Variants in DNAH6 observed in about 807,000 individuals in gnomAD.
DNAH6 encodes the protein dynein axonemal heavy chain 6.
DNAH6 carries 340 observed loss-of-function variants against 491.4 expected under a neutral mutation model. That is an observed-to-expected ratio of 0.69 (90% CI 0.63 to 0.76). DNAH6 has a LOEUF of 0.76. Ranked by LOEUF, DNAH6 falls within the 30% of genes least tolerant of loss-of-function variation. The pLI is 0.00. For synonymous variants in DNAH6, 1,603 were observed against 1,686.1 expected (o/e 0.95, Z 1.21); for missense variants, 4,443 against 4,972.2 (o/e 0.89, Z 3.20).
At chr2:84,705,317 C>A (rs1696322432) in intron 51 of DNAH6, among the ~76,000 whole-genome samples, 169 bp from the exon 52 acceptor site, 1 of 152,010 alleles carries the variant, frequency 6.6e-6, no homozygotes, top group Non-Finnish European at 1.5e-5. Context: ...TTCTTTTCGC[C>A]CCCTGAATTA....
chr2:84,584,916 G>C (rs1222611186), intron 15 of DNAH6: 1 of 152,208 alleles, frequency 6.6e-6, no homozygotes, highest in Non-Finnish European at 1.5e-5. Flanking sequence ...GAAAGAGACA[G>C]AGTGTACATT....
chr2:84,517,843 C>T lies in DNAH6; in HGVS notation c.17C>T (p.Thr6Ile), dbSNP rs1388468055. The part of the protein sequence containing the change: MTFRA[T>I]DSEFDLTNIE... The stretch of plus-strand genomic sequence containing the variant: ...GGAGTAAGGATGACTTTTCGGGCCA[C>T]AGATAGTGAATTTGACCTGACAAAT... The change falls in exon 2 of 77, where the codon ACA becomes ATA. Residue 6 changes from threonine to isoleucine, a missense_variant. Transcript: ENST00000389394. The T allele has an allele frequency of 6.4e-7, 1 of 1,551,354 alleles. No individual in the cohort carries two copies. The highest frequency in any genetic ancestry group is 8.7e-7 in the Non-Finnish European group (1 of 1,146,926).
chr2:84,465,351 C>T, the DNAH6 span, among the ~76,000 whole-genome samples: 4 of 152,042 alleles, frequency 2.6e-5, no homozygotes, highest in East Asian at 1.9e-4. Flanking sequence ...AAAAATTAGC[C>T]GGGTGTGGTG....
intron 64 of DNAH6, among the ~76,000 whole-genome samples, chr2:84,771,885 GAAAT>G (rs1182662274): frequency 2.0e-5 from 3 of 152,108 alleles, no homozygotes; most frequent in Non-Finnish European, 4.4e-5. Flanking sequence ...TTCACACGAA[GAAAT>G]AAATAACACA....
chr2:84,780,147 G>T (rs1161272667), intron 64 of DNAH6, among the ~76,000 whole-genome samples: 1 of 151,920 alleles, frequency 6.6e-6, no homozygotes, highest in African/African-American at 2.4e-5. Flanking sequence ...ATCTCCCAGG[G>T]TTTCTCTGAA....
At chr2:84,477,546 G>A in the DNAH6 span, among the ~76,000 whole-genome samples, 1 of 152,152 alleles carries the variant, frequency 6.6e-6, no homozygotes, top group Non-Finnish European at 1.5e-5. Context: ...GTGGGGATGG[G>A]GGGATAGCAC....
intron 18 of DNAH6, among the ~76,000 whole-genome samples, chr2:84,602,922 CTT>C (rs1360336792): frequency 3.3e-5 from 5 of 150,118 alleles, no homozygotes; most frequent in African/African-American, 1.2e-4. Context: ...TTCTTTATCT[CTT>C]ATACTGTTTT....
At chr2:84,623,806 G>A (rs1314289331) in intron 26 of DNAH6, among the ~76,000 whole-genome samples, 1 of 152,198 alleles carries the variant, frequency 6.6e-6, no homozygotes. Flanking sequence ...CATTTAACCA[G>A]TCATTGGCTA....
chr2:84,800,145 C>T (rs1012026952), intron 70 of DNAH6, among the ~76,000 whole-genome samples: 2 of 152,162 alleles, frequency 1.3e-5, no homozygotes, highest in African/African-American at 4.8e-5. Context: ...CCAAAGAACC[C>T]ATATAGAGCC....
Position 84,762,861 on chromosome 2 carries a change from C to T in DNAH6, c.10619C>T (p.Thr3540Ile), listed in dbSNP as rs997994912. Residue 3540 changes from threonine (T) to isoleucine (I), a missense_variant, in exon 64 of 77, where the codon ACT becomes ATT. Around this residue, in one of 3 missense-constraint regions of DNAH6, gnomAD observed 1,463 missense variants for 1,656.6 expected, o/e 0.88. Coordinates refer to ENST00000389394, the MANE Select transcript of DNAH6 (RefSeq NM_001370.2). ...PTLYQDMSCN[T>I]PLVFILSTGS... ...CTGTATCAAGACATGTCATGCAACA[C>T]TCCCCTGGTATTCATCCTAAGCACA... is the stretch of plus-strand genomic sequence containing the variant. 4 of 1,551,274 alleles carry T rather than the reference C, an allele frequency of 2.6e-6. No individual in the cohort carries two copies. In the African/African-American group the frequency reaches 4.1e-5, roughly 16 times the overall value.
chr2:84,695,442 T>C (rs963949549), intron 46 of DNAH6, among the ~76,000 whole-genome samples: 3 of 152,126 alleles, frequency 2.0e-5, no homozygotes, highest in African/African-American at 7.2e-5. Context: ...TGGAAGGTAG[T>C]TGGCAATATG....
At chr2:84,617,784 G>A (rs1007217572) in intron 23 of DNAH6, among the ~76,000 whole-genome samples, 1 of 152,044 alleles carries the variant, frequency 6.6e-6, no homozygotes, top group African/African-American at 2.4e-5. Flanking sequence ...ATTAATTGGT[G>A]GGGATGCATG....
intron 4 of DNAH6, among the ~76,000 whole-genome samples, chr2:84,538,846 C>CTTTT (rs1677965543): frequency 1.3e-5 from 2 of 152,054 alleles, no homozygotes; most frequent in Admixed American, 6.6e-5. Context: ...TTTAAAATCT[C>CTTTT]ACACTAAAGC....
chr2:84,530,677 T>A (rs993064297), intron 4 of DNAH6, among the ~76,000 whole-genome samples: 5 of 152,118 alleles, frequency 3.3e-5, no homozygotes, highest in South Asian at 4.1e-4. Flanking sequence ...TTGAAGGCCG[T>A]AGTTACTCAG....
At chr2:84,819,186 C>A in intron 76 of DNAH6, 119 bp from the exon 77 acceptor site, 2 of 620,812 alleles carry the variant, frequency 3.2e-6, no homozygotes, top group Non-Finnish European at 5.6e-6. Flanking sequence ...ATTTGTCCAG[C>A]ATCTTTAGGG....
intron 70 of DNAH6, among the ~76,000 whole-genome samples, chr2:84,798,288 C>G (rs1050310021): frequency 3.3e-5 from 5 of 152,156 alleles, no homozygotes; most frequent in African/African-American, 1.2e-4. Flanking sequence ...GAAGCAACCC[C>G]TGGACTTGGA....
intron 37 of DNAH6, among the ~76,000 whole-genome samples, chr2:84,668,501 G>A (rs1030204389): frequency 2.6e-5 from 4 of 152,080 alleles, no homozygotes; most frequent in Admixed American, 6.5e-5. Context: ...CTGGACTGTT[G>A]CTCTAAGATT....
intron 69 of DNAH6, among the ~76,000 whole-genome samples, chr2:84,797,041 A>G (rs1395354675): frequency 6.8e-6 from 1 of 146,754 alleles, no homozygotes; most frequent in Non-Finnish European, 1.5e-5. Flanking sequence ...AGCTCCTACC[A>G]TAGAGCATCA....
intron 17 of DNAH6, 66 bp from the exon 18 acceptor site, chr2:84,595,580 G>A: frequency 1.4e-6 from 2 of 1,386,924 alleles, no homozygotes; most frequent in Non-Finnish European, 1.9e-6. Context: ...AGTTTTTTTA[G>A]TATTTCAAAC....
Sources: allele counts gnomAD v4.1 joint callset (sites outside exome capture counted in the v4.1 genomes callset), GRCh38; gene constraint gnomAD v4.1.1; regional missense constraint gnomAD v4.1.1; transcripts MANE v1.5; gene names NCBI Gene and HGNC (gene_info 2026-07-23, HGNC 2026-07-21).